The following ADAMTS12 variants were observed in gnomAD, a reference collection of about 807,000 sequenced individuals.
ADAMTS12 encodes A disintegrin and metalloproteinase with thrombospondin motifs 12.
Under a neutral mutation model 167.8 loss-of-function variants are expected in ADAMTS12, and 118 were observed. The ratio of observed to expected loss-of-function variants is 0.70; its 90% CI spans 0.61 to 0.82. ADAMTS12 has a LOEUF of 0.82. Among genes scored for constraint, ADAMTS12 ranks in the 40% least tolerant of loss-of-function variants. The pLI is 0.00. For synonymous variants in ADAMTS12, 704 were observed against 716.9 expected (o/e 0.98, Z 0.29); for missense variants, 1,916 against 1,998.8 (o/e 0.96, Z 0.79).
chr5:33,616,825 T>C (rs920444518), intron 14 of ADAMTS12, among the ~76,000 whole-genome samples: 8 of 152,226 alleles, frequency 5.3e-5, no homozygotes, highest in Admixed American at 1.3e-4. Context: ...GCCACAGTCT[T>C]ATTATTCCTG....
intron 2 of ADAMTS12, among the ~76,000 whole-genome samples, chr5:33,864,715 C>A (rs1241292760): frequency 6.6e-5 from 10 of 152,190 alleles, no homozygotes; most frequent in Non-Finnish European, 8.8e-5. Flanking sequence ...TGGAAACCAT[C>A]ATTCTCAGCA....
chr5:33,588,977 T>A (rs1172992452), intron 17 of ADAMTS12, among the ~76,000 whole-genome samples, 168 bp from the exon 18 acceptor site: 1 of 152,170 alleles, frequency 6.6e-6, no homozygotes, highest in Non-Finnish European at 1.5e-5. Context: ...GTGTCTTCAA[T>A]CATAGCTCCG....
chr5:33,551,020 A>T (rs539575001), intron 20 of ADAMTS12, among the ~76,000 whole-genome samples: 1 of 152,272 alleles, frequency 6.6e-6, no homozygotes, highest in East Asian at 1.9e-4. Flanking sequence ...GTCTTGGCTG[A>T]GGAAACAAGT....
chr5:33,704,893 G>A (rs1432629823), intron 3 of ADAMTS12, among the ~76,000 whole-genome samples: 2 of 151,540 alleles, frequency 1.3e-5, no homozygotes, highest in Non-Finnish European at 2.9e-5. Flanking sequence ...GGTTTTATAA[G>A]CAAGAAATCA....
intron 2 of ADAMTS12, among the ~76,000 whole-genome samples, chr5:33,778,155 C>T (rs572935436): frequency 6.6e-6 from 1 of 152,194 alleles, no homozygotes; most frequent in South Asian, 2.1e-4. Flanking sequence ...GCATTTTTCA[C>T]ATATATGGAA....
chr5:33,845,575 T>C (rs1470764867), intron 2 of ADAMTS12, among the ~76,000 whole-genome samples: 1 of 152,186 alleles, frequency 6.6e-6, no homozygotes, highest in Non-Finnish European at 1.5e-5. Flanking sequence ...AATAAATAAA[T>C]TGCATGTCTG....
intron 11 of ADAMTS12, among the ~76,000 whole-genome samples, chr5:33,641,014 G>T (rs1740420574): frequency 6.6e-6 from 1 of 151,760 alleles, no homozygotes; most frequent in South Asian, 2.1e-4. Flanking sequence ...ACTTTTCAAA[G>T]TAGATGAATG....
chr5:33,770,182 C>T (rs1390171279), intron 2 of ADAMTS12, among the ~76,000 whole-genome samples: 8 of 152,146 alleles, frequency 5.3e-5, no homozygotes, highest in Non-Finnish European at 8.8e-5. Context: ...ACAGTCTGAT[C>T]TCAAGGGCTT....
Position 33,576,827 on chromosome 5 carries a change from A to G in ADAMTS12, c.3199T>C (p.Trp1067Arg), listed in dbSNP as rs748731563. ...TCAGGTTGGGTTGAGCTATCTTGCC[A>G]CTGTTTCCCACCCAGGTCTCCTTCT... ...SKEGDLGGKQ[W>R]QDSSTQPELS... is the part of the protein sequence containing the mutation. Residue 1067 changes from tryptophan to arginine, a missense_variant, in exon 19 of 24, where the codon TGG becomes CGG. Coordinates refer to ENST00000504830, the MANE Select transcript of ADAMTS12 (RefSeq NM_030955.4). 1.9e-6 allele frequency: 3 copies of G among 1,614,030 alleles called. No homozygotes were observed. The highest frequency in any genetic ancestry group is 3.3e-5 in the Admixed American group (2 of 59,990).
intron 2 of ADAMTS12, among the ~76,000 whole-genome samples, chr5:33,788,442 G>A (rs1746412117): frequency 6.6e-6 from 1 of 152,140 alleles, no homozygotes; most frequent in African/African-American, 2.4e-5. Flanking sequence ...GAGGAGATGG[G>A]AAGAGAGAGA....
chr5:33,535,245 TCA>T (rs1561106896), intron 22 of ADAMTS12, among the ~76,000 whole-genome samples: 1 of 152,206 alleles, frequency 6.6e-6, no homozygotes, highest in Non-Finnish European at 1.5e-5. Flanking sequence ...TGCTCCTTTT[TCA>T]CACGTTTGAG....
chr5:33,608,003 AT>A (rs1738530004), intron 16 of ADAMTS12, among the ~76,000 whole-genome samples: 1 of 152,278 alleles, frequency 6.6e-6, no homozygotes, highest in Non-Finnish European at 1.5e-5. Flanking sequence ...ACCCACACCT[AT>A]AAGCAAATTG....
intron 2 of ADAMTS12, among the ~76,000 whole-genome samples, chr5:33,805,760 T>TA (rs1747201956): frequency 6.6e-6 from 1 of 152,116 alleles, no homozygotes; most frequent in African/African-American, 2.4e-5. Context: ...TGCAGTGGTT[T>TA]ATGCCTTAAT....
intron 3 of ADAMTS12, among the ~76,000 whole-genome samples, chr5:33,696,865 C>G (rs1461260449): frequency 6.6e-6 from 1 of 152,230 alleles, no homozygotes; most frequent in Non-Finnish European, 1.5e-5. Flanking sequence ...CTATTATAGT[C>G]TCCTAGGCAG....
chr5:33,795,156 ACAGGACC>A (rs1251762775), intron 2 of ADAMTS12, among the ~76,000 whole-genome samples: 3 of 152,252 alleles, frequency 2.0e-5, no homozygotes, highest in Non-Finnish European at 4.4e-5. Context: ...TAAAAGCATC[ACAGGACC>A]CATGGGCTGA....
At chr5:33,743,494 C>T (rs1365027813) in intron 3 of ADAMTS12, among the ~76,000 whole-genome samples, 1 of 152,144 alleles carries the variant, frequency 6.6e-6, no homozygotes, top group East Asian at 1.9e-4. Context: ...AAGGCCCCTG[C>T]CTCTTTTGTA....
rs766412023 is a variant in ADAMTS12 at position 33,658,321 on chromosome 5, A to G, written c.1053T>C (p.Cys351=). ...TCTCGCAGGGGCGATTGAAACCAGC[A>G]CAGATGTCCTTTCTGAAAGCAGAGA... ...VAVLLTRKDI[C]AGFNRPCETL... The change falls in exon 7 of 24, where the codon TGT becomes TGC. Residue 351 remains cysteine (C), a synonymous_variant. Coordinates refer to ENST00000504830, the MANE Select transcript of ADAMTS12 (RefSeq NM_030955.4). 1.2e-6 allele frequency: 2 copies of G among 1,613,538 alleles called. No homozygotes were observed. The highest frequency in any genetic ancestry group is 2.2e-5 in the South Asian group (2 of 91,046).
At chr5:33,535,186 T>C (rs948315057) in intron 22 of ADAMTS12, among the ~76,000 whole-genome samples, 194 bp from the exon 23 acceptor site, 2 of 152,260 alleles carry the variant, frequency 1.3e-5, no homozygotes, top group Non-Finnish European at 1.5e-5. Flanking sequence ...TACTATAGGT[T>C]GTGTGGATTG....
chr5:33,643,203 A>T (rs10065974), intron 10 of ADAMTS12, among the ~76,000 whole-genome samples, 175 bp downstream of exon 10: 85,992 of 152,024 alleles, frequency 0.57, 24,981 homozygotes, highest in East Asian at 0.67. Context: ...CTGCTCCCAA[A>T]GCAGGTTCAC....
Sources: gnomAD v4.1 joint callset for allele counts (sites outside exome capture counted in the v4.1 genomes callset) on GRCh38, gnomAD v4.1.1 for gene constraint, MANE v1.5 for transcripts, NCBI Gene and HGNC (gene_info 2026-07-23, HGNC 2026-07-21) for gene names.